NMNAT2: variants seen among roughly 807,000 people sequenced by gnomAD.
The protein encoded by NMNAT2 is nicotinamide/nicotinic acid mononucleotide adenylyltransferase 2.
NMNAT2 carries 11 observed loss-of-function variants against 41.6 expected under a neutral mutation model. That is an observed-to-expected ratio of 0.26 (90% CI 0.17 to 0.44). The LOEUF is 0.44. Among genes scored for constraint, NMNAT2 ranks in the 20% least tolerant of loss-of-function variants. NMNAT2 has a pLI of 1.00. For missense variants in NMNAT2, 288 were observed against 407.7 expected, an observed-to-expected ratio of 0.71 and a Z score of 2.53; for synonymous variants, 148 against 151.2, an observed-to-expected ratio of 0.98 and a Z score of 0.16.
intron 5 of NMNAT2, 104 bp from the exon 6 acceptor site, chr1:183,284,894 A>G (rs950641372): frequency 1.7e-5 from 15 of 892,468 alleles, no homozygotes; most frequent in Non-Finnish European, 2.3e-5. Context: ...ATCAGGGTGC[A>G]TGGACGGGGC....
At chr1:183,379,116 C>A (rs4351602) in intron 1 of NMNAT2, among the ~76,000 whole-genome samples, 24,914 of 141,952 alleles carry the variant, frequency 0.18, 2,312 homozygotes, top group East Asian at 0.27. Flanking sequence ...ATCTCTCTCT[C>A]TATATAGCAG....
chr1:183,409,093 A>C (rs1649044771), intron 1 of NMNAT2, among the ~76,000 whole-genome samples: 1 of 152,156 alleles, frequency 6.6e-6, no homozygotes, highest in Admixed American at 6.5e-5. Context: ...GGTGGCTCAC[A>C]CTTGTAATCC....
chr1:183,353,333 G>A (rs1054954011), intron 1 of NMNAT2, among the ~76,000 whole-genome samples: 1 of 152,198 alleles, frequency 6.6e-6, no homozygotes. Context: ...AAAAGACAGA[G>A]ACTAGGGCAA....
At chr1:183,308,131 T>G (rs576135033) in intron 1 of NMNAT2, among the ~76,000 whole-genome samples, 2 of 152,330 alleles carry the variant, frequency 1.3e-5, no homozygotes, top group East Asian at 3.9e-4. Context: ...TTCATTTGTC[T>G]TATGAGTCTC....
At chr1:183,332,790 G>C (rs989052243) in intron 1 of NMNAT2, among the ~76,000 whole-genome samples, 1 of 152,204 alleles carries the variant, frequency 6.6e-6, no homozygotes, top group Non-Finnish European at 1.5e-5. Flanking sequence ...TTTCTCTAGG[G>C]ATTCAGACTT....
chr1:183,282,481 C>T (rs749025223), intron 7 of NMNAT2, among the ~76,000 whole-genome samples: 1 of 152,236 alleles, frequency 6.6e-6, no homozygotes, highest in Non-Finnish European at 1.5e-5. Context: ...CCACCTGCCC[C>T]AGGCGCTAGG....
chr1:183,297,195 C>T (rs1308092249), intron 1 of NMNAT2, among the ~76,000 whole-genome samples: 1 of 151,438 alleles, frequency 6.6e-6, no homozygotes, highest in Non-Finnish European at 1.5e-5. Context: ...CACTGTGTAT[C>T]CAGTGCAGTC....
intron 8 of NMNAT2, among the ~76,000 whole-genome samples, chr1:183,269,864 CT>C (rs1660937026): frequency 1.3e-5 from 2 of 152,130 alleles, no homozygotes; most frequent in African/African-American, 2.4e-5. Flanking sequence ...ACTTTTAAGA[CT>C]CATATTGTAG....
intron 8 of NMNAT2, among the ~76,000 whole-genome samples, chr1:183,278,103 T>C (rs999243247): frequency 6.6e-6 from 1 of 152,324 alleles, no homozygotes; most frequent in East Asian, 1.9e-4. Context: ...TTGCCAAGGA[T>C]CCTGCTGACC....
At chr1:183,273,008 T>C (rs1489153062) in intron 8 of NMNAT2, among the ~76,000 whole-genome samples, 1 of 152,260 alleles carries the variant, frequency 6.6e-6, no homozygotes, top group Non-Finnish European at 1.5e-5. Flanking sequence ...CCTAAAGATT[T>C]CTCTGTGTAC....
At chr1:183,341,373 T>C (rs1337070173) in intron 1 of NMNAT2, among the ~76,000 whole-genome samples, 2 of 151,892 alleles carry the variant, frequency 1.3e-5, no homozygotes, top group East Asian at 1.9e-4. Flanking sequence ...CAATAAATGT[T>C]GGTTGTTGTT....
At chr1:183,290,351 T>C in intron 3 of NMNAT2, 145 bp from the exon 4 acceptor site, 1 of 609,346 alleles carries the variant, frequency 1.6e-6, no homozygotes, top group African/African-American at 1.9e-5. Flanking sequence ...AACCTGGGTG[T>C]GAAACACTCT....
rs762935303 is a variant in NMNAT2 at position 183,341,725 on chromosome 1, C to CAAAAAAAAAAAAAA, written c.86-47946_86-47933dup. ...GAGGAAAAGACAAACAAACAAACAC[C>CAAAAAAAAAAAAAA]AAAAAAAAAAAAAAAAAAAAAACCT... On this transcript the variant is annotated intron_variant, in intron 1 of 10. Transcript: ENST00000287713. 4.4e-3 allele frequency among the ~76,000 whole-genome samples: 97 copies of CAAAAAAAAAAAAAA among 22,208 alleles called. 7 individuals are homozygous for CAAAAAAAAAAAAAA. Among genetic ancestry groups the CAAAAAAAAAAAAAA allele is most frequent in the African/African-American group, 0.011 (71 of 6,236 alleles). 14.6% of individuals were successfully genotyped at this position (22,208 alleles called of 152,430 possible).
At chr1:183,279,278 G>C (rs1178655127) in intron 7 of NMNAT2, among the ~76,000 whole-genome samples, 2 of 152,162 alleles carry the variant, frequency 1.3e-5, no homozygotes. Flanking sequence ...AGCTCACTCT[G>C]AATTATCCCA....
intron 1 of NMNAT2, among the ~76,000 whole-genome samples, chr1:183,406,322 A>G (rs1648953285): frequency 6.6e-6 from 1 of 152,224 alleles, no homozygotes; most frequent in Non-Finnish European, 1.5e-5. Flanking sequence ...GGGTGCTGGG[A>G]CAGAGTAGCT....
At chr1:183,263,669 G>A (rs1660726180) in intron 8 of NMNAT2, among the ~76,000 whole-genome samples, 1 of 152,198 alleles carries the variant, frequency 6.6e-6, no homozygotes, top group Non-Finnish European at 1.5e-5. Context: ...TTAGCCGGGC[G>A]TGGTGGCAGG....
Position 183,278,684 on chromosome 1 carries a change from T to G in NMNAT2, c.575-55A>C, listed in dbSNP as rs1302221935. On this transcript the variant is annotated intron_variant, in intron 7 of 10. Transcript: ENST00000287713. ...GAGTAAGTGGTGGCCCGGGAAGCATTTGACCCTCAGCCTTCTTCCCCTGGT... is the reference window on the plus strand; with the variant it reads ...GAGTAAGTGGTGGCCCGGGAAGCATGTGACCCTCAGCCTTCTTCCCCTGGT... The G allele has an allele frequency of 6.2e-6, 8 of 1,282,432 alleles. No homozygotes were observed. The East Asian group carries it at 1.4e-4, about 22-fold the overall frequency. The allele number at this position is 1,282,432 out of a possible 1,614,324, so 79.4% of individuals were successfully genotyped here.
At chr1:183,370,514 CCCACTTCT>C (rs1230764062) in intron 1 of NMNAT2, among the ~76,000 whole-genome samples, 4 of 152,264 alleles carry the variant, frequency 2.6e-5, no homozygotes, top group South Asian at 2.1e-4. Flanking sequence ...GAACTCCTGT[CCCACTTCT>C]CCACTTCTCC....
At chr1:183,286,907 C>CCATCCCCAGGGCTCTTCCT in intron 4 of NMNAT2, 119 bp from the exon 5 acceptor site, 1 of 1,083,614 alleles carries the variant, frequency 9.2e-7, no homozygotes, top group African/African-American at 1.6e-5. Context: ...GAGGAAGAGC[C>CCATCCCCAGGGCTCTTCCT]CTGGGGATGG....
Sources: allele counts gnomAD v4.1 joint callset (sites outside exome capture counted in the v4.1 genomes callset), GRCh38; gene constraint gnomAD v4.1.1; transcripts MANE v1.5; gene names NCBI Gene and HGNC (gene_info 2026-07-23, HGNC 2026-07-21).